Variants in FAM13B observed in about 807,000 individuals in gnomAD.
The protein encoded by FAM13B is protein FAM13B.
A neutral mutation model predicts 117.3 loss-of-function variants in FAM13B; 60 were observed. The observed-to-expected ratio is 0.51, with a 90% CI of 0.42 to 0.63. The LOEUF (loss-of-function observed/expected upper bound fraction) is 0.63, where lower values mean the gene tolerates loss of function less well. FAM13B is among the 30% of genes least tolerant of loss of function. The pLI is 0.00. For missense variants in FAM13B, 972 were observed against 1,091.9 expected, an observed-to-expected ratio of 0.89 and a Z score of 1.55; for synonymous variants, 332 against 356.1, an observed-to-expected ratio of 0.93 and a Z score of 0.76.
At chr5:137,999,772 T>A (rs1780752659) in intron 7 of FAM13B, among the ~76,000 whole-genome samples, 1 of 152,170 alleles carries the variant, frequency 6.6e-6, no homozygotes, top group Non-Finnish European at 1.5e-5. Context: ...AGATTCAGTG[T>A]CTGATGAGGG....
chr5:138,001,244 A>C (rs898389029), intron 7 of FAM13B, among the ~76,000 whole-genome samples: 1 of 152,216 alleles, frequency 6.6e-6, no homozygotes, highest in African/African-American at 2.4e-5. Flanking sequence ...ATTTCCAATA[A>C]ATGTTTGCAA....
intron 14 of FAM13B, among the ~76,000 whole-genome samples, chr5:137,956,024 A>C (rs545887576): frequency 6.6e-6 from 1 of 152,316 alleles, no homozygotes; most frequent in South Asian, 2.1e-4. Flanking sequence ...ACAGTGTCAA[A>C]ATTCAAGAGT....
Position 138,000,251 on chromosome 5 carries a change from T to C in FAM13B, c.848+6739A>G, listed in dbSNP as rs569838814. Among the ~76,000 whole-genome samples, 25 of 152,058 alleles carry C rather than the reference T, an allele frequency of 1.6e-4. No homozygotes were observed. The South Asian group carries it at 2.5e-3, about 15-fold the overall frequency. ...TGTATTTACAACAAATATAAAATAT[T>C]AGTCAGGCATGGTGCTGCATGCCTG... On this transcript the variant is annotated intron_variant, in intron 7 of 23. Transcript: ENST00000689681.
intron 1 of FAM13B, among the ~76,000 whole-genome samples, chr5:138,026,118 C>T (rs775594969): frequency 6.6e-6 from 1 of 152,172 alleles, no homozygotes; most frequent in East Asian, 1.9e-4. Flanking sequence ...ACTATATCAA[C>T]TCATTTAATC....
At chr5:137,984,465 T>C (rs1237198860) in intron 10 of FAM13B, among the ~76,000 whole-genome samples, 1 of 152,186 alleles carries the variant, frequency 6.6e-6, no homozygotes, top group Non-Finnish European at 1.5e-5. Flanking sequence ...TTTCAGGACA[T>C]GATGGTATTT....
intron 10 of FAM13B, among the ~76,000 whole-genome samples, chr5:137,967,810 T>G (rs1057331624): frequency 7.2e-5 from 11 of 152,094 alleles, no homozygotes; most frequent in African/African-American, 2.2e-4. Context: ...GGAGGATTGC[T>G]TGAGCCTGGG....
intron 10 of FAM13B, among the ~76,000 whole-genome samples, chr5:137,964,925 G>T (rs1769231443): frequency 6.6e-6 from 1 of 152,008 alleles, no homozygotes; most frequent in East Asian, 1.9e-4. Flanking sequence ...CCAACACTTT[G>T]GGAGGCCAAG....
chr5:138,050,661 C>T (rs889810824), intron 1 of FAM13B, among the ~76,000 whole-genome samples: 2 of 152,228 alleles, frequency 1.3e-5, no homozygotes, highest in African/African-American at 4.8e-5. Context: ...ACAGAAACAC[C>T]TGTTAACCTC....
chr5:137,967,635 G>C (rs1166016869), intron 10 of FAM13B, among the ~76,000 whole-genome samples: 1 of 152,270 alleles, frequency 6.6e-6, no homozygotes, highest in South Asian at 2.1e-4. Flanking sequence ...GCTCACATCT[G>C]TAATTCCAGT....
chr5:137,967,434 A>G (rs922215638), intron 10 of FAM13B, among the ~76,000 whole-genome samples: 6 of 151,926 alleles, frequency 3.9e-5, no homozygotes, highest in Non-Finnish European at 8.8e-5. Flanking sequence ...TGAGGCAGAG[A>G]ACTGCTTGAA....
chr5:137,969,396 G>C (rs561801068), intron 10 of FAM13B, among the ~76,000 whole-genome samples: 1 of 152,168 alleles, frequency 6.6e-6, no homozygotes, highest in East Asian at 1.9e-4. Flanking sequence ...TGCAGCTGAG[G>C]GTCCTGTCTG....
At chr5:138,036,152 C>T (rs905989182), upstream of FAM13B, 1 of 341,338 alleles carries the variant, frequency 2.9e-6, no homozygotes, top group East Asian at 7.6e-5. Flanking sequence ...ACATCATTCT[C>T]ACTGTAGTTC....
chr5:137,985,458 G>C (rs1263632206), intron 9 of FAM13B, 69 bp from the exon 10 acceptor site: 1 of 1,429,450 alleles, frequency 7.0e-7, no homozygotes, highest in Non-Finnish European at 9.5e-7. Context: ...TTTAAAATAA[G>C]TAAATATCAA....
At position 138,038,221 on chromosome 5, in the gene FAM13B, G is replaced by A. The variant is rs146654500; in HGVS notation, c.-203+13657C>T. The stretch of plus-strand genomic sequence containing the variant: ...CACTAAGAATTCCCCCAAACTCTCG[G>A]TGCTGGTTTTAAGATCTTCTGAGCC... On this transcript the variant is annotated intron_variant, in intron 1 of 3. Transcript: ENST00000502471. Among the ~76,000 whole-genome samples, 10 of 152,154 alleles carry A rather than the reference G, an allele frequency of 6.6e-5. No homozygotes were observed. In the East Asian group the frequency reaches 1.4e-3, roughly 21 times the overall value.
chr5:137,959,627 T>C lies in FAM13B; in HGVS notation c.1430A>G (p.Asp477Gly), dbSNP rs1333454057. The C allele has an allele frequency of 6.2e-7, 1 of 1,613,854 alleles. No homozygotes were observed. The highest frequency in any genetic ancestry group is 1.1e-5 in the South Asian group (1 of 91,024). Residue 477 changes from aspartate (D) to glycine (G), a missense_variant, in exon 13 of 24, where the codon GAT becomes GGT. Asp to Gly is a moderately conservative substitution (Grantham distance 94). Coordinates refer to ENST00000689681, the MANE Select transcript of FAM13B (RefSeq NM_001385994.1). ...GTGGGTAAAATTACCTTCCCATTTA[T>C]CACCATCAGAAACATTCTTCAGATC... ...HLDLKNVSDG[D>G]KWEASCPITF... is the part of the protein sequence containing the mutation.
Position 137,942,893 on chromosome 5 carries a change from C to T in FAM13B, c.2570G>A (p.Ser857Asn). The change falls in exon 22 of 24, where the codon AGT becomes AAT. Residue 857 changes from serine (S) to asparagine (N), a missense_variant. Ser to Asn is a conservative substitution (Grantham distance 46). Coordinates refer to ENST00000689681, the MANE Select transcript of FAM13B (RefSeq NM_001385994.1). ...TACATACATAGAAGCTGCTCGAGAA[C>T]TTGACAATCGGAGATCCAGAGCCAG... ...EKLALDLRLS[S>N]SRAASMPELL... is the part of the protein sequence containing the mutation. 1.2e-6 allele frequency: 2 copies of T among 1,609,596 alleles called. No homozygotes were observed. The highest frequency in any genetic ancestry group is 1.7e-6 in the Non-Finnish European group (2 of 1,179,000).
At chr5:138,018,552 T>C in intron 3 of FAM13B, 38 bp from the exon 4 acceptor site, 2 of 1,546,450 alleles carry the variant, frequency 1.3e-6, no homozygotes, top group Non-Finnish European at 1.8e-6. Context: ...TAAGCTGCAA[T>C]GTCAACTGCT....
intron 1 of FAM13B, among the ~76,000 whole-genome samples, chr5:138,047,792 C>T (rs1791685186): frequency 6.6e-6 from 1 of 152,148 alleles, no homozygotes; most frequent in African/African-American, 2.4e-5. Context: ...GGAATGTGGA[C>T]CACCTCTAGA....
At chr5:138,045,688 C>T (rs56661896) in intron 1 of FAM13B, among the ~76,000 whole-genome samples, 2,542 of 151,904 alleles carry the variant, frequency 0.017, 81 homozygotes, top group African/African-American at 0.058. Context: ...GTCAGAGGTA[C>T]GTACACAGGT....
Sources: allele counts gnomAD v4.1 joint callset (sites outside exome capture counted in the v4.1 genomes callset), GRCh38; gene constraint gnomAD v4.1.1; transcripts MANE v1.5; gene names NCBI Gene and HGNC (gene_info 2026-07-23, HGNC 2026-07-21).